AUTS2: variants seen among roughly 807,000 people sequenced by gnomAD.
The protein encoded by AUTS2 is autism susceptibility gene 2 protein.
AUTS2 carries 17 observed loss-of-function variants against 112.4 expected under a neutral mutation model. The ratio of observed to expected loss-of-function variants is 0.15; its 90% CI spans 0.10 to 0.23. The LOEUF (loss-of-function observed/expected upper bound fraction) is 0.23. AUTS2 is among the 10% of genes least tolerant of loss of function. The pLI is 1.00. For missense variants in AUTS2, 1,510 were observed against 1,701.6 expected, an observed-to-expected ratio of 0.89 and a Z score of 1.98; for synonymous variants, 751 against 702.7, an observed-to-expected ratio of 1.07 and a Z score of -1.09.
intron 5 of AUTS2, among the ~76,000 whole-genome samples, chr7:70,680,913 T>G (rs139741803): frequency 6.4e-4 from 98 of 152,340 alleles, no homozygotes; most frequent in African/African-American, 2.1e-3. Flanking sequence ...GCTACAATTT[T>G]CCTGTTTTAC....
chr7:70,097,251 C>T (rs1004229732), intron 2 of AUTS2, among the ~76,000 whole-genome samples: 5 of 152,142 alleles, frequency 3.3e-5, no homozygotes, highest in Non-Finnish European at 7.3e-5. Context: ...CAGTGTGCAT[C>T]CTGCAGTGCA....
chr7:69,735,549 A>G (rs1014127462), intron 1 of AUTS2, among the ~76,000 whole-genome samples: 4 of 152,186 alleles, frequency 2.6e-5, no homozygotes, highest in African/African-American at 9.7e-5. Context: ...TTAGACTATC[A>G]GTTAATAAAA....
At chr7:69,899,900 G>T (rs575404323) in intron 2 of AUTS2, among the ~76,000 whole-genome samples, 1 of 152,192 alleles carries the variant, frequency 6.6e-6, no homozygotes, top group Non-Finnish European at 1.5e-5. Context: ...TAAAATGATT[G>T]CCTGTGTGTG....
intron 6 of AUTS2, among the ~76,000 whole-genome samples, chr7:70,721,083 TTAA>T (rs35640413): frequency 7.3e-5 from 11 of 150,434 alleles, no homozygotes; most frequent in Admixed American, 2.7e-4. Context: ...ATTGAGTTTT[TTAA>T]TAATAATAAT....
At chr7:69,932,883 G>A (rs1796275779) in intron 2 of AUTS2, among the ~76,000 whole-genome samples, 1 of 152,122 alleles carries the variant, frequency 6.6e-6, no homozygotes, top group South Asian at 2.1e-4. Context: ...ATTATACATG[G>A]GATGCAGAAT....
At chr7:70,405,604 G>A (rs1201338944) in intron 4 of AUTS2, among the ~76,000 whole-genome samples, 5 of 152,132 alleles carry the variant, frequency 3.3e-5, no homozygotes, top group African/African-American at 4.8e-5. Context: ...TCAAATACTC[G>A]ATAAAGCGTG....
chr7:70,152,808 G>T (rs377085312), intron 4 of AUTS2, among the ~76,000 whole-genome samples: 1 of 152,010 alleles, frequency 6.6e-6, no homozygotes, highest in African/African-American at 2.4e-5. Flanking sequence ...TAGGTATATA[G>T]TAATATATTA....
chr7:69,847,686 T>G (rs753237156), intron 1 of AUTS2, among the ~76,000 whole-genome samples: 1 of 152,214 alleles, frequency 6.6e-6, no homozygotes, highest in Non-Finnish European at 1.5e-5. Context: ...AATCAAGCCT[T>G]TGCTCAGATC....
chr7:69,734,688 C>A (rs940411482), intron 1 of AUTS2, among the ~76,000 whole-genome samples: 1 of 150,866 alleles, frequency 6.6e-6, no homozygotes, highest in Admixed American at 6.6e-5. Context: ...CTGACTTTTT[C>A]AAATGCAAGG....
At chr7:70,314,653 A>G (rs1585008133) in intron 4 of AUTS2, among the ~76,000 whole-genome samples, 1 of 152,084 alleles carries the variant, frequency 6.6e-6, no homozygotes, top group Non-Finnish European at 1.5e-5. Context: ...ATCACACTTT[A>G]TTATGTGTAG....
rs147710427 is a variant in AUTS2, at chr7:69,840,014, C to T, written c.310-59272C>T. Among the ~76,000 whole-genome samples, 543 of 152,210 alleles carry T rather than the reference C, an allele frequency of 3.6e-3. 2 individuals are homozygous for T. Among genetic ancestry groups the T allele is most frequent in the African/African-American group, 0.012 (496 of 41,546 alleles). ...GGAACTTATTAGAAAGGCAAATTTG[C>T]TGGTTTCACTCTAGACCCAGTGAGT... On this transcript the variant is annotated intron_variant, in intron 1 of 18. Coordinates refer to ENST00000342771, the MANE Select transcript of AUTS2 (RefSeq NM_015570.4).
At chr7:70,094,518 C>T (rs1017526751) in intron 2 of AUTS2, among the ~76,000 whole-genome samples, 2 of 152,224 alleles carry the variant, frequency 1.3e-5, no homozygotes, top group Non-Finnish European at 2.9e-5. Context: ...TCCCTTTTCA[C>T]TCTAGCCCTT....
At chr7:70,398,955 C>A (rs902462859) in intron 4 of AUTS2, among the ~76,000 whole-genome samples, 1 of 146,740 alleles carries the variant, frequency 6.8e-6, no homozygotes, top group African/African-American at 2.5e-5. Flanking sequence ...TTTTCTGCAA[C>A]TATGAAGAAA....
chr7:69,998,025 GTATT>G (rs1251375001), intron 2 of AUTS2, among the ~76,000 whole-genome samples: 1 of 152,024 alleles, frequency 6.6e-6, no homozygotes, highest in Non-Finnish European at 1.5e-5. Flanking sequence ...AAACCCTTTG[GTATT>G]TATTTAATAA....
chr7:70,112,701 C>A (rs761945043), intron 2 of AUTS2, among the ~76,000 whole-genome samples: 1 of 151,680 alleles, frequency 6.6e-6, no homozygotes, highest in Non-Finnish European at 1.5e-5. Flanking sequence ...TTATTTCTAA[C>A]CTTTTGTCTT....
intron 1 of AUTS2, among the ~76,000 whole-genome samples, chr7:69,682,503 A>G (rs1796844417): frequency 6.6e-6 from 1 of 152,142 alleles, no homozygotes. Flanking sequence ...TGGTATGAAA[A>G]CACTGGATGT....
At chr7:69,669,025 T>C (rs1352005977) in intron 1 of AUTS2, among the ~76,000 whole-genome samples, 2 of 152,184 alleles carry the variant, frequency 1.3e-5, no homozygotes, top group African/African-American at 4.8e-5. Context: ...GGTACTGTAA[T>C]GTTCTCTTTA....
intron 2 of AUTS2, among the ~76,000 whole-genome samples, chr7:69,946,171 A>G (rs935532872): frequency 1.3e-5 from 2 of 152,234 alleles, no homozygotes; most frequent in African/African-American, 4.8e-5. Flanking sequence ...TGAATTCTAC[A>G]TGTAAATGAG....
chr7:69,963,192 T>C lies in AUTS2; in HGVS notation c.522+63694T>C, dbSNP rs1276443607. ...CTGCAGAAGCCTGTTTTGGTTGTGG[T>C]TTCAGAGTTAAGGATAAGTTATTAA... is the stretch of plus-strand genomic sequence containing the variant. On this transcript the variant is annotated intron_variant, in intron 2 of 18. Transcript: ENST00000342771. 2.0e-5 allele frequency among the ~76,000 whole-genome samples: 3 copies of C among 152,118 alleles called. No homozygotes were observed. The East Asian group carries it at 5.8e-4, about 29-fold the overall frequency.
Sources: allele counts gnomAD v4.1 joint callset (sites outside exome capture counted in the v4.1 genomes callset), GRCh38; gene constraint gnomAD v4.1.1; transcripts MANE v1.5; gene names NCBI Gene and HGNC (gene_info 2026-07-23, HGNC 2026-07-21).